Variants in USP9X observed in about 807,000 individuals in gnomAD.
USP9X encodes the protein ubiquitin specific peptidase 9 X-linked.
Under a neutral mutation model 190.3 loss-of-function variants are expected in USP9X, and 7 were observed. The observed-to-expected ratio is 0.04, with a 90% CI of 0.02 to 0.07. USP9X has a LOEUF of 0.07. Ranked by LOEUF, USP9X falls within the 10% of genes least tolerant of loss-of-function variation. USP9X has a pLI of 1.00. For synonymous variants in USP9X, 645 were observed against 659.5 expected (o/e 0.98, Z 0.34); for missense variants, 1,010 against 1,916.9 (o/e 0.53, Z 8.83).
rs1320205090 is a variant in USP9X, at chrX:41,219,144, G to A, written c.6478G>A (p.Val2160Ile). Reference sequence around the variant, plus strand: ...CTTGAGTGATCACTTACTAAGAGCAGTACTAAATCTCTTGAGAAGGGAAGT... The same window carrying A: ...CTTGAGTGATCACTTACTAAGAGCAATACTAAATCTCTTGAGAAGGGAAGT... ...LSLSDHLLRA[V>I]LNLLRREVSE... Residue 2160 changes from valine to isoleucine, a missense_variant, in exon 38 of 45, where the codon GTA becomes ATA. By Grantham distance (29) the Val-to-Ile change is conservative. Transcript: ENST00000378308. The A allele has an allele frequency of 8.3e-7, 1 of 1,209,087 alleles. No individual in the cohort carries two copies. Among genetic ancestry groups the A allele is most frequent in the African/African-American group, 1.7e-5 (1 of 57,292 alleles).
chrX:41,128,430 C>A (rs2062275820), intron 2 of USP9X, among the ~76,000 whole-genome samples: 1 of 111,218 alleles, frequency 9.0e-6, no homozygotes, highest in Non-Finnish European at 1.9e-5. Flanking sequence ...TATTAAATGG[C>A]AGTAACATAT....
intron 1 of USP9X, among the ~76,000 whole-genome samples, chrX:41,103,577 C>T (rs989080777): frequency 2.2e-4 from 25 of 111,852 alleles, no homozygotes; most frequent in African/African-American, 7.8e-4. Flanking sequence ...CCATCTGTCA[C>T]GTTATATTAA....
intron 9 of USP9X, 115 bp from the exon 10 acceptor site, chrX:41,143,176 T>A: frequency 1.9e-6 from 1 of 521,412 alleles, no homozygotes; most frequent in East Asian, 4.1e-5. Flanking sequence ...TTTACCAGTA[T>A]TATATTTTGT....
rs756440232 is a variant in USP9X at position 41,087,900 on chromosome X, A to C, written c.-159+1791A>C. On this transcript the variant is annotated intron_variant, in intron 1 of 44. Coordinates refer to ENST00000378308, the MANE Select transcript of USP9X (RefSeq NM_001039591.3). ...AGCAACAGTACATGTGAGAATCTTAAGTTACTTCAGGAAGGAACATTGAAG... is the reference window on the plus strand; with the variant it reads ...AGCAACAGTACATGTGAGAATCTTACGTTACTTCAGGAAGGAACATTGAAG... 2.7e-5 allele frequency among the ~76,000 whole-genome samples: 3 copies of C among 112,371 alleles called. No individual in the cohort carries two copies. The South Asian group carries it at 1.1e-3, about 41-fold the overall frequency.
At chrX:41,116,848 CTT>C (rs2062151767) in intron 1 of USP9X, among the ~76,000 whole-genome samples, 1 of 111,525 alleles carries the variant, frequency 9.0e-6, no homozygotes, top group Non-Finnish European at 1.9e-5. Flanking sequence ...TTGTTACTTT[CTT>C]TTTAAGATAG....
intron 4 of USP9X, among the ~76,000 whole-genome samples, chrX:41,132,059 C>T (rs1448344791): frequency 9.0e-6 from 1 of 111,134 alleles, no homozygotes; most frequent in Non-Finnish European, 1.9e-5. Context: ...TAAAATTTTA[C>T]CTAGTAAAAT....
intron 29 of USP9X, 70 bp downstream of exon 29, chrX:41,197,580 A>AG (rs2062996531): frequency 1.1e-6 from 1 of 935,652 alleles, no homozygotes; most frequent in Admixed American, 3.1e-5. Flanking sequence ...AAATTTAATT[A>AG]ATTTATAGTA....
rs1042405558 is a variant in USP9X at position 41,235,742 on chromosome X, T to G, written c.*3218T>G. On this transcript the variant is annotated 3_prime_UTR_variant, in exon 45 of 45. Transcript: ENST00000378308. Reference sequence around the variant, plus strand: ...ATTGATTTTTCTCCTGGTGATAATTTCCCAGCCTTGTGTCTTTTAGCTGTT... The same window carrying G: ...ATTGATTTTTCTCCTGGTGATAATTGCCCAGCCTTGTGTCTTTTAGCTGTT... The G allele has an allele frequency of 3.6e-5, 4 of 111,914 alleles. No individual in the cohort carries two copies. The highest frequency in any genetic ancestry group is 1.3e-4 in the African/African-American group (4 of 30,776). The allele number at this position is 111,914 out of a possible 1,213,427, so 9.2% of individuals were successfully genotyped here.
At chrX:41,168,392 G>C in intron 18 of USP9X, 174 bp downstream of exon 18, 1 of 405,942 alleles carries the variant, frequency 2.5e-6, no homozygotes, top group Non-Finnish European at 3.9e-6. Context: ...CTCCCATCTG[G>C]TTTTGTTTTG....
rs749062026 is a variant in USP9X at position 41,170,464 on chromosome X, T to G, written c.2878-6T>G. 1.7e-6 allele frequency: 2 copies of G among 1,204,361 alleles called. No individual in the cohort carries two copies. The highest frequency in any genetic ancestry group is 3.5e-5 in the African/African-American group (2 of 56,885). The stretch of plus-strand genomic sequence containing the variant: ...TTTTGATATTAACATAGTATATAAT[T>G]TTCAGCTTATTACAGCCAAACTTAC... On this transcript the variant is annotated splice_region_variant and splice_polypyrimidine_tract_variant and intron_variant, in intron 19 of 44. Coordinates refer to ENST00000378308, the MANE Select transcript of USP9X (RefSeq NM_001039591.3).
At chrX:41,130,073 A>G (rs1315270885) in intron 3 of USP9X, among the ~76,000 whole-genome samples, 7 of 111,877 alleles carry the variant, frequency 6.3e-5, no homozygotes, top group East Asian at 2.8e-4. Context: ...TTAACAATCA[A>G]TACATTCTTC....
At chrX:41,195,881 T>TG (rs780413524) in intron 26 of USP9X, 7 of 337,712 alleles carry the variant, frequency 2.1e-5, no homozygotes, top group Non-Finnish European at 3.4e-5. Flanking sequence ...ACAGAGCTGT[T>TG]GTGCAGAACC....
intron 1 of USP9X, among the ~76,000 whole-genome samples, chrX:41,116,416 A>G (rs182481670): frequency 3.1e-3 from 352 of 112,374 alleles, no homozygotes; most frequent in Non-Finnish European, 4.7e-3. Context: ...CCTGCTAGGT[A>G]TGCCTAAATC....
intron 3 of USP9X, among the ~76,000 whole-genome samples, chrX:41,129,595 T>C (rs534618702): frequency 3.6e-5 from 4 of 111,999 alleles, no homozygotes; most frequent in Admixed American, 9.5e-5. Flanking sequence ...TTCACACTTA[T>C]AGTACAAACA....
At position 41,170,538 on chromosome X, in the gene USP9X, C is replaced by A; in HGVS notation, c.2946C>A (p.Ser982=). ...MPSSPDSSSD[S]STGSPGNHGN... is the part of the protein sequence containing the mutation. ...CAAGCCCTGATAGCTCTTCTGATTC[C>A]TCCACTGGATCTCCTGGAAACCATG... The change falls in exon 20 of 45, where the codon TCC becomes TCA. Residue 982 remains serine (S), a synonymous_variant. Coordinates refer to ENST00000378308, the MANE Select transcript of USP9X (RefSeq NM_001039591.3). 8.3e-7 allele frequency: 1 copy of A among 1,211,289 alleles called. No homozygotes were observed. The highest frequency in any genetic ancestry group is 3.0e-5 in the East Asian group (1 of 33,845).
At chrX:41,092,300 A>G (rs770497002) in intron 1 of USP9X, among the ~76,000 whole-genome samples, 5 of 111,815 alleles carry the variant, frequency 4.5e-5, no homozygotes, top group Admixed American at 1.9e-4. Context: ...ATTGAGAGTT[A>G]TAAGTTGAGG....
intron 14 of USP9X, among the ~76,000 whole-genome samples, chrX:41,161,666 C>T (rs2062634041): frequency 2.6e-5 from 1 of 38,811 alleles, no homozygotes; most frequent in Non-Finnish European, 4.1e-5. Context: ...TTTAAAGAGA[C>T]AAGGTCTTGA....
intron 11 of USP9X, among the ~76,000 whole-genome samples, chrX:41,145,768 G>GA (rs2147060360): frequency 9.0e-6 from 1 of 111,181 alleles, no homozygotes; most frequent in South Asian, 3.7e-4. Context: ...CACAGTAGAA[G>GA]AAAAAAATAC....
In USP9X at chrX:41,236,436, TTA is replaced by T. The variant is rs1210119411; in HGVS notation, c.*3913_*3914del. On this transcript the variant is annotated 3_prime_UTR_variant, in exon 45 of 45. Transcript: ENST00000378308. ...AAACTGCAAATGTGTGAAAATTTAT[TTA>T]GAGATTCAGATTCCTAAAAGGAAAT... 8.9e-6 allele frequency: 1 copy of T among 112,270 alleles called. No homozygotes were observed. Among genetic ancestry groups the T allele is most frequent in the African/African-American group, 3.2e-5 (1 of 30,876 alleles). 9.3% of individuals were successfully genotyped at this position (112,270 alleles called of 1,213,427 possible).
Sources: gnomAD v4.1 joint callset for allele counts (sites outside exome capture counted in the v4.1 genomes callset) on GRCh38, gnomAD v4.1.1 for gene constraint, MANE v1.5 for transcripts, NCBI Gene and HGNC (gene_info 2026-07-23, HGNC 2026-07-21) for gene names.